The following AP2A1 variants were observed in gnomAD, a reference collection of about 807,000 sequenced individuals.
AP2A1 encodes the protein AP-2 complex subunit alpha-1.
In AP2A1, 21 loss-of-function variants were observed where a neutral mutation model predicts 107.3. The ratio of observed to expected loss-of-function variants is 0.20; its 90% CI spans 0.14 to 0.28. The LOEUF (loss-of-function observed/expected upper bound fraction) is 0.28, where lower values mean the gene tolerates loss of function less well. AP2A1 is among the 10% of genes least tolerant of loss of function. The pLI is 1.00. For missense variants in AP2A1, 873 were observed against 1,307.7 expected, an observed-to-expected ratio of 0.67 and a Z score of 5.13; for synonymous variants, 602 against 564.8, an observed-to-expected ratio of 1.07 and a Z score of -0.93.
chr19:49,779,944 G>T (rs1283225253), intron 1 of AP2A1, among the ~76,000 whole-genome samples: 1 of 152,370 alleles, frequency 6.6e-6, no homozygotes, highest in South Asian at 2.1e-4. Flanking sequence ...GATACCTGAA[G>T]TGAGGCTTAT....
At chr19:49,767,379 T>TA (rs1289571119) in intron 1 of AP2A1, among the ~76,000 whole-genome samples, 179 bp downstream of exon 1, 1 of 151,896 alleles carries the variant, frequency 6.6e-6, no homozygotes, top group African/African-American at 2.4e-5. Context: ...TGGGGTGTCA[T>TA]AGAGTGCCTC....
At chr19:49,793,434 T>C (rs538240170) in intron 6 of AP2A1, among the ~76,000 whole-genome samples, 1 of 152,114 alleles carries the variant, frequency 6.6e-6, no homozygotes, top group East Asian at 1.9e-4. Context: ...CTCCCACTTC[T>C]CTCTCTGTCT....
chr19:49,781,050 G>C (rs1422383027), intron 1 of AP2A1, among the ~76,000 whole-genome samples: 1 of 152,144 alleles, frequency 6.6e-6, no homozygotes, highest in Non-Finnish European at 1.5e-5. Flanking sequence ...ATTGTGCTCT[G>C]AAGGGGGTGC....
Position 49,791,323 on chromosome 19 carries a change from A to T in AP2A1, c.474-612A>T, listed in dbSNP as rs555746816. Among the ~76,000 whole-genome samples the T allele has an allele frequency of 3.7e-4, 56 of 152,258 alleles. 1 individual carries two copies. In the South Asian group the frequency reaches 6.4e-3, roughly 17 times the overall value. On this transcript the variant is annotated intron_variant, in intron 4 of 22. Transcript: ENST00000354293. ...TGGTGCACTGCCGCCTCGACCTCCCAGTCTCGAGCAATCCTCCCACCTCAC... is the reference window on the plus strand; with the variant it reads ...TGGTGCACTGCCGCCTCGACCTCCCTGTCTCGAGCAATCCTCCCACCTCAC...
intron 1 of AP2A1, among the ~76,000 whole-genome samples, chr19:49,779,391 C>T (rs2084649800): frequency 7.0e-6 from 1 of 143,696 alleles, no homozygotes; most frequent in African/African-American, 2.6e-5. Flanking sequence ...CCTGTAGTCC[C>T]AGCGACTTTG....
intron 15 of AP2A1, chr19:49,802,589 C>G (rs913526755): frequency 4.4e-6 from 7 of 1,600,298 alleles, no homozygotes; most frequent in Non-Finnish European, 5.9e-6. Context: ...TGACCCAGCT[C>G]CAGCTGCTGA....
At chr19:49,770,652 C>T (rs776147034) in intron 1 of AP2A1, among the ~76,000 whole-genome samples, 6 of 152,136 alleles carry the variant, frequency 3.9e-5, no homozygotes, top group Non-Finnish European at 7.3e-5. Context: ...AAAATAATGA[C>T]GTCCTGCTAC....
Position 49,795,689 on chromosome 19 carries a change from C to T in AP2A1, c.765C>T (p.Pro255=), listed in dbSNP as rs1329097233. 1 of 1,571,870 alleles carries T rather than the reference C, an allele frequency of 6.4e-7. No homozygotes were observed. Among genetic ancestry groups the T allele is most frequent in the Non-Finnish European group, 8.6e-7 (1 of 1,159,444 alleles). ...QDYTYYFVPA[P]WLSVKLLRLL... The stretch of plus-strand genomic sequence containing the variant: ...ACACCTACTACTTCGTCCCAGCACC[C>T]TGGCTCTCGGTGAAGCTCCTGCGGC... Residue 255 remains proline, a synonymous_variant, in exon 7 of 23, where the codon CCC becomes CCT. Coordinates refer to ENST00000354293, the MANE Select transcript of AP2A1 (RefSeq NM_130787.3).
Position 49,799,844 on chromosome 19 carries a change from G to A in AP2A1, c.1272+78G>A, listed in dbSNP as rs2073255428. 3 of 1,565,168 alleles carry A rather than the reference G, an allele frequency of 1.9e-6. No individual in the cohort carries two copies. In the Admixed American group the frequency reaches 5.6e-5, roughly 29 times the overall value. On this transcript the variant is annotated intron_variant, in intron 10 of 22. Coordinates refer to ENST00000354293, the MANE Select transcript of AP2A1 (RefSeq NM_130787.3). ...TGGGGGCCTGGATTCCTAAGTCTAA[G>A]GGAGGAGGGGCTGGGGCCTGGACTC...
intron 1 of AP2A1, among the ~76,000 whole-genome samples, chr19:49,779,564 C>T (rs1289150626): frequency 6.6e-6 from 1 of 151,134 alleles, no homozygotes; most frequent in Non-Finnish European, 1.5e-5. Context: ...CCAGTACACC[C>T]AAATTATTAT....
In AP2A1 at chr19:49,801,879, C is replaced by T; in HGVS notation, c.1943C>T (p.Pro648Leu). The T allele has an allele frequency of 1.3e-6, 2 of 1,491,522 alleles. No individual in the cohort carries two copies. Among genetic ancestry groups the T allele is most frequent in the African/African-American group, 1.4e-5 (1 of 71,554 alleles). 92.4% of individuals were successfully genotyped at this position (1,491,522 alleles called of 1,614,324 possible). A position where few individuals can be genotyped will look rare whatever the true frequency, so the allele number is the denominator to read the frequency against. ...ATCAACGGGGGCATGGAGCCCACCCCCAGCACTGTGGTGAGTCCCCTGGGG... is the reference window on the plus strand; with the variant it reads ...ATCAACGGGGGCATGGAGCCCACCCTCAGCACTGTGGTGAGTCCCCTGGGG... ...NDINGGMEPT[P>L]STVSTPSPSA... is the part of the protein sequence containing the mutation. The change falls in exon 14 of 23, where the codon CCC (proline) becomes CTC (leucine). Residue 648 changes from proline to leucine, a missense_variant. Physicochemically the swap from Pro to Leu is moderately conservative, Grantham distance 98. Around this residue, in one of 4 missense-constraint regions of AP2A1, gnomAD observed 416 missense variants for 473.4 expected, o/e 0.88. Transcript: ENST00000354293.
chr19:49,800,766 C>T (rs1026598621), intron 11 of AP2A1, 195 bp from the exon 12 acceptor site: 34 of 520,112 alleles, frequency 6.5e-5, no homozygotes, highest in African/African-American at 9.8e-5. Context: ...CCACTGCTTC[C>T]GGCCCACAGC....
rs867951286 is a variant in AP2A1 at position 49,801,999 on chromosome 19, G to C, written c.1972G>C (p.Ala658Pro). Residue 658 changes from alanine (A) to proline (P), a missense_variant, in exon 15 of 23, where the codon GCC becomes CCC. Coordinates refer to ENST00000354293, the MANE Select transcript of AP2A1 (RefSeq NM_130787.3). ...CCTACAGTCGACGCCCTCGCCCTCC[G>C]CCGACCTCCTGGGGCTGCGGGCAGC... is the stretch of plus-strand genomic sequence containing the variant. ...PSTVSTPSPS[A>P]DLLGLRAAPP... The C allele has an allele frequency of 2.6e-6, 4 of 1,530,292 alleles. No individual in the cohort carries two copies. Among genetic ancestry groups the C allele is most frequent in the African/African-American group, 2.8e-5 (2 of 72,642 alleles). The allele number at this position is 1,530,292 out of a possible 1,614,324, so 94.8% of individuals were successfully genotyped here. A position where few individuals can be genotyped will look rare whatever the true frequency, so the allele number is the denominator to read the frequency against.
At chr19:49,794,894 C>T (rs1421782285) in intron 6 of AP2A1, among the ~76,000 whole-genome samples, 1 of 151,768 alleles carries the variant, frequency 6.6e-6, no homozygotes, top group Non-Finnish European at 1.5e-5. Flanking sequence ...AACTCCTGAT[C>T]TCAGGTGATC....
rs1026140336 is a variant in AP2A1, at chr19:49,785,186, C to G, written c.473+2462C>G. On this transcript the variant is annotated intron_variant, in intron 4 of 22. Transcript: ENST00000354293. The surrounding 1 kb of genome is among the most constrained non-coding windows in gnomAD (Gnocchi z 4.1). ...CAGAATGGATGAAAGAGGCTGATCCCCAGATTCAAATAGGCCAGGAAATCA... is the reference window on the plus strand; with the variant it reads ...CAGAATGGATGAAAGAGGCTGATCCGCAGATTCAAATAGGCCAGGAAATCA... Among the ~76,000 whole-genome samples, 19 of 152,094 alleles carry G rather than the reference C, an allele frequency of 1.2e-4. No homozygotes were observed. Among genetic ancestry groups the G allele is most frequent in the African/African-American group, 4.1e-4 (17 of 41,402 alleles).
intron 1 of AP2A1, among the ~76,000 whole-genome samples, chr19:49,775,182 C>T (rs1041919323): frequency 6.6e-6 from 1 of 152,084 alleles, no homozygotes; most frequent in Admixed American, 6.6e-5. Flanking sequence ...GAGTCAAGAT[C>T]GCACCACCAC....
chr19:49,791,985 T>C lies in AP2A1; in HGVS notation c.524T>C (p.Leu175Pro). Residue 175 changes from leucine (L) to proline (P), a missense_variant, in exon 5 of 23, where the codon CTG (leucine) becomes CCG (proline). Physicochemically the swap from Leu to Pro is moderately conservative, Grantham distance 98. Around this residue, in one of 4 missense-constraint regions of AP2A1, gnomAD observed 157 missense variants for 212.6 expected, o/e 0.74. Transcript: ENST00000354293. ...AGTGCGGCCCTGTGCCTCCTTCGAC[T>C]GTACAAGGCCTCGCCTGACCTGGTG... ...KQSAALCLLR[L>P]YKASPDLVPM... 4 of 1,612,728 alleles carry C rather than the reference T, an allele frequency of 2.5e-6. No individual in the cohort carries two copies. Among genetic ancestry groups the C allele is most frequent in the Non-Finnish European group, 3.4e-6 (4 of 1,179,494 alleles).
chr19:49,802,640 G>T, intron 15 of AP2A1: 1 of 1,499,718 alleles, frequency 6.7e-7, no homozygotes, highest in Non-Finnish European at 8.9e-7. Flanking sequence ...CGGGGGGGCG[G>T]ACTCGGGTGT....
intron 1 of AP2A1, among the ~76,000 whole-genome samples, chr19:49,772,758 C>G (rs1403036281): frequency 1.3e-5 from 2 of 151,810 alleles, no homozygotes; most frequent in Admixed American, 1.3e-4. Flanking sequence ...TCTCGGCCTC[C>G]CAAAGTGCTG....
Sources: gnomAD v4.1 joint callset for allele counts (sites outside exome capture counted in the v4.1 genomes callset) on GRCh38, gnomAD v4.1.1 for gene constraint, gnomAD v4.1.1 regional missense constraint, Gnocchi (gnomAD v3.1) non-coding constraint, MANE v1.5 for transcripts, NCBI Gene and HGNC (gene_info 2026-07-23, HGNC 2026-07-21) for gene names.